The following RABL2A variants were observed in gnomAD, a reference collection of about 807,000 sequenced individuals.
The protein encoded by RABL2A is rab-like protein 2A.
A neutral mutation model predicts 30.7 loss-of-function variants in RABL2A; 17 were observed. The observed-to-expected ratio is 0.55, with a 90% CI of 0.38 to 0.83. The LOEUF (loss-of-function observed/expected upper bound fraction) is 0.83, where lower values mean the gene tolerates loss of function less well. Ranked by LOEUF, RABL2A falls within the 40% of genes least tolerant of loss-of-function variation. The pLI, the probability that RABL2A is intolerant of heterozygous loss-of-function variation, is 0.00. For missense variants in RABL2A, 155 were observed against 272.6 expected (o/e 0.57, Z 3.04); for synonymous variants, 64 against 101.8 (o/e 0.63, Z 2.24).
chr2:113,632,837 T>G, intron 2 of RABL2A, 78 bp from the exon 3 acceptor site: 1 of 1,611,130 alleles, frequency 6.2e-7, no homozygotes, highest in Non-Finnish European at 8.5e-7. Context: ...TTCCAGGTTG[T>G]CAGCCTTAGG....
At chr2:113,637,205 T>A (rs374533440) in intron 5 of RABL2A, 19,517 of 194,290 alleles carry the variant, frequency 0.1, 922 homozygotes, top group South Asian at 0.13. Context: ...TTCTGCTCAT[T>A]GTCACCTGCT....
chr2:113,637,001 A>T (rs57199430), intron 5 of RABL2A, among the ~76,000 whole-genome samples: 2,819 of 144,484 alleles, frequency 0.02, 128 homozygotes, highest in African/African-American at 0.066. Flanking sequence ...AAAAAATAAA[A>T]AAATAAAAAA....
At chr2:113,632,803 G>T (rs1406860888) in intron 2 of RABL2A, 112 bp from the exon 3 acceptor site, 1 of 1,454,854 alleles carries the variant, frequency 6.9e-7, no homozygotes, top group Admixed American at 1.7e-5. Flanking sequence ...TGGAGTGAAA[G>T]GGGGAAGGGA....
At chr2:113,641,602 A>G in intron 7 of RABL2A, 152 bp downstream of exon 7, 6 of 1,477,132 alleles carry the variant, frequency 4.1e-6, no homozygotes, top group Non-Finnish European at 5.6e-6. Context: ...ATGGGCCTGG[A>G]CTTGATGAGG....
At chr2:113,637,436 G>A in intron 5 of RABL2A, 1 of 1,096,882 alleles carries the variant, frequency 9.1e-7, no homozygotes, top group Non-Finnish European at 1.1e-6. Flanking sequence ...AGGATGCTGG[G>A]AATGCCCAGG....
At chr2:113,635,611 G>A (rs912600368) in intron 5 of RABL2A, 18 of 220,410 alleles carry the variant, frequency 8.2e-5, no homozygotes, top group Admixed American at 5.2e-5. Context: ...CAGTCCTCAC[G>A]GCTCCACCCT....
intron 2 of RABL2A, among the ~76,000 whole-genome samples, chr2:113,629,514 C>T (rs1318197069): frequency 1.3e-5 from 2 of 151,928 alleles, no homozygotes; most frequent in East Asian, 3.9e-4. Flanking sequence ...CACACAATCA[C>T]ACACTGCAGC....
At chr2:113,634,641 G>A in intron 4 of RABL2A, 1 of 404,178 alleles carries the variant, frequency 2.5e-6, no homozygotes, top group Non-Finnish European at 4.7e-6. Flanking sequence ...ACCTTCCATC[G>A]GGTCATAATC....
chr2:113,637,840 C>G (rs991277437), intron 5 of RABL2A: 8 of 1,280,586 alleles, frequency 6.2e-6, no homozygotes, highest in Non-Finnish European at 8.2e-6. Flanking sequence ...TCTCCGTGGG[C>G]TCCCCTCAGA....
intron 2 of RABL2A, among the ~76,000 whole-genome samples, chr2:113,629,661 A>G (rs777886216): frequency 2.0e-5 from 3 of 151,850 alleles, no homozygotes; most frequent in Non-Finnish European, 4.4e-5. Flanking sequence ...CAGCCTTGCG[A>G]GTAGCTAGGA....
intron 5 of RABL2A, among the ~76,000 whole-genome samples, chr2:113,639,217 G>A (rs189582603): frequency 5.9e-4 from 90 of 152,066 alleles, no homozygotes; most frequent in African/African-American, 2.1e-3. Context: ...AGCCCAGGGG[G>A]TGGAGGAGCA....
At chr2:113,638,213 A>T (rs1374316831) in intron 5 of RABL2A, 3 of 985,306 alleles carry the variant, frequency 3.0e-6, no homozygotes, top group East Asian at 1.1e-4. Context: ...CTGGTGATTC[A>T]TTGAAATTTG....
rs1683451796 is a variant in RABL2A, at chr2:113,637,676, A to C, written c.297+2546A>C. On this transcript the variant is annotated intron_variant, in intron 5 of 8. Transcript: ENST00000683472. ...GTACTAAACAAGAGGATAATGGGGC[A>C]AGGAAAATGGGGGCAGTGTAGTGCA... 1.2e-5 allele frequency: 16 copies of C among 1,284,078 alleles called. 1 individual carries two copies. The South Asian group carries it at 1.9e-4, about 15-fold the overall frequency. 79.5% of individuals were successfully genotyped at this position (1,284,078 alleles called of 1,614,324 possible).
rs1177997989 is a variant in RABL2A, at chr2:113,637,336, C to T, written c.297+2206C>T. 1.0e-5 allele frequency: 10 copies of T among 1,003,872 alleles called. No individual in the cohort carries two copies. In the East Asian group the frequency reaches 2.9e-4, roughly 29 times the overall value. 62.2% of individuals were successfully genotyped at this position (1,003,872 alleles called of 1,614,324 possible). A position where few individuals can be genotyped will look rare whatever the true frequency, so the allele number is the denominator to read the frequency against. On this transcript the variant is annotated intron_variant, in intron 5 of 8. Transcript: ENST00000683472. Reference sequence around the variant, plus strand: ...TGCCACCACCTCCGTGCAGCCTCCTCTGATGTTTGTCATTAGCTTAGCTCT... The same window carrying T: ...TGCCACCACCTCCGTGCAGCCTCCTTTGATGTTTGTCATTAGCTTAGCTCT...
At chr2:113,631,173 G>T (rs1262408857) in intron 2 of RABL2A, among the ~76,000 whole-genome samples, 3 of 152,276 alleles carry the variant, frequency 2.0e-5, no homozygotes, top group East Asian at 1.9e-4. Context: ...GGGATTACAG[G>T]TGTGAGCCAC....
intron 2 of RABL2A, among the ~76,000 whole-genome samples, chr2:113,631,386 A>G (rs1258602953): frequency 1.3e-5 from 2 of 152,116 alleles, no homozygotes; most frequent in Non-Finnish European, 2.9e-5. Context: ...GTGTGAGTAC[A>G]GACTAGAGTG....
At chr2:113,641,666 G>C (rs1028271143) in intron 7 of RABL2A, 115 bp from the exon 8 acceptor site, 1 of 623,966 alleles carries the variant, frequency 1.6e-6, no homozygotes, top group African/African-American at 2.0e-5. Context: ...GCAAATGGAG[G>C]GGTAAGGTTG....
intron 5 of RABL2A, chr2:113,637,595 TTAAGAACAAAA>T: frequency 8.3e-7 from 1 of 1,210,948 alleles, no homozygotes; most frequent in Non-Finnish European, 1.1e-6. Flanking sequence ...CGACTGCCCG[TTAAGAACAAAA>T]TCCCTTGAAA....
chr2:113,643,361 C>T lies in RABL2A; in HGVS notation c.*1232C>T, dbSNP rs1685779472. On this transcript the variant is annotated 3_prime_UTR_variant, in exon 9 of 9. Coordinates refer to ENST00000683472, the MANE Select transcript of RABL2A (RefSeq NM_001306158.2). ...TAATAGGGTTTTGTTTTTATTGTTT[C>T]CTTTTTTACAGTAAAGGCTGAATGA... 1.2e-5 allele frequency: 4 copies of T among 339,842 alleles called. No homozygotes were observed. Among genetic ancestry groups the T allele is most frequent in the Non-Finnish European group, 1.7e-5 (3 of 174,258 alleles). 21.1% of individuals were successfully genotyped at this position (339,842 alleles called of 1,614,324 possible). A position where few individuals can be genotyped will look rare whatever the true frequency, so the allele number is the denominator to read the frequency against.
Sources: allele counts gnomAD v4.1 joint callset (sites outside exome capture counted in the v4.1 genomes callset), GRCh38; gene constraint gnomAD v4.1.1; transcripts MANE v1.5; gene names NCBI Gene and HGNC (gene_info 2026-07-23, HGNC 2026-07-21).